The following ACY3 variants were observed in gnomAD, a reference collection of about 807,000 sequenced individuals.
ACY3 encodes the protein aminoacylase 3.
In ACY3, 20 loss-of-function variants were observed where a neutral mutation model predicts 24.6. That is an observed-to-expected ratio of 0.81 (90% CI 0.57 to 1.18). The LOEUF (loss-of-function observed/expected upper bound fraction) is 1.18. Among genes scored for constraint, ACY3 ranks in the 50% most tolerant of loss-of-function variants. The probability of loss-of-function intolerance (pLI) is 0.00; values close to 1 mark genes in which losing one functional copy is unlikely to be tolerated. For missense variants in ACY3, 423 were observed against 426.8 expected (o/e 0.99, Z 0.08); for synonymous variants, 174 against 188.4 (o/e 0.92, Z 0.62).
chr11:67,645,661 TG>T (rs1855501302), intron 4 of ACY3, 30 bp downstream of exon 4: 2 of 1,568,356 alleles, frequency 1.3e-6, no homozygotes, highest in Non-Finnish European at 1.7e-6. Flanking sequence ...CACTCCCCTC[TG>T]GGGAGCTGTG....
chr11:67,649,857 AGAGT>A (rs1198399317), intron 1 of ACY3, among the ~76,000 whole-genome samples: 23 of 137,984 alleles, frequency 1.7e-4, no homozygotes, highest in African/African-American at 5.3e-4. Flanking sequence ...TGTGTGCATG[AGAGT>A]GTGTGTGCAT....
intron 1 of ACY3, among the ~76,000 whole-genome samples, chr11:67,649,588 G>C (rs539172960): frequency 1.1e-4 from 17 of 152,070 alleles, no homozygotes; most frequent in Admixed American, 4.6e-4. Flanking sequence ...GCGTGTGCAT[G>C]AGAGCATGTG....
chr11:67,645,456 A>G, intron 4 of ACY3, 76 bp from the exon 5 acceptor site: 1 of 1,467,810 alleles, frequency 6.8e-7, no homozygotes, highest in Non-Finnish European at 9.3e-7. Flanking sequence ...TGTTGCATGG[A>G]GGAAACACAG....
rs187434412 is a variant in ACY3, at chr11:67,642,983, C to T, written c.745-44G>A. On this transcript the variant is annotated intron_variant, in intron 7 of 7. Coordinates refer to ENST00000255082, the MANE Select transcript of ACY3 (RefSeq NM_080658.2). ...GCCAAGATTGCTGGGGCCACCTCTG[C>T]CCTGGCCCCAGAGGGGGGTGACCCC... is the stretch of plus-strand genomic sequence containing the variant. 5,511 of 1,571,822 alleles carry T rather than the reference C, an allele frequency of 3.5e-3. 13 individuals are homozygous for T. The highest frequency in any genetic ancestry group is 4.9e-3 in the Middle Eastern group (29 of 5,888).
intron 1 of ACY3, among the ~76,000 whole-genome samples, chr11:67,648,543 C>T (rs1013210499): frequency 2.1e-4 from 32 of 152,154 alleles, no homozygotes; most frequent in Non-Finnish European, 8.8e-5. Context: ...CCAGGGCCTG[C>T]TGGATGCCAG....
rs373948069 is a variant in ACY3 at position 67,647,744 on chromosome 11, G to A, written c.-94-155C>T. Among the ~76,000 whole-genome samples the A allele has an allele frequency of 9.9e-5, 15 of 152,172 alleles. No individual in the cohort carries two copies. The South Asian group carries it at 1.0e-3, about 11-fold the overall frequency. On this transcript the variant is annotated intron_variant, in intron 1 of 7. Coordinates refer to ENST00000255082, the MANE Select transcript of ACY3 (RefSeq NM_080658.2). ...CCCACGCTGCTACTTGTGCTGCCAC[G>A]GCCCAACGAGTCCAGGTCCTGCGGG...
At chr11:67,645,910 C>A in intron 3 of ACY3, 23 bp from the exon 4 acceptor site, 1 of 1,560,716 alleles carries the variant, frequency 6.4e-7, no homozygotes, top group Non-Finnish European at 8.7e-7. Flanking sequence ...GAATGGGGGA[C>A]ACCGATCTTC....
chr11:67,645,895 G>A lies in ACY3; in HGVS notation c.237-8C>T. ...TCCGGGGTGGGCCTGGAACTGTGGA[G>A]ACGGGAATGGGGGACACCGATCTTC... On this transcript the variant is annotated splice_region_variant and splice_polypyrimidine_tract_variant and intron_variant, in intron 3 of 7. Coordinates refer to ENST00000255082, the MANE Select transcript of ACY3 (RefSeq NM_080658.2). The A allele has an allele frequency of 6.3e-7, 1 of 1,584,072 alleles. No individual in the cohort carries two copies. Among genetic ancestry groups the A allele is most frequent in the Non-Finnish European group, 8.6e-7 (1 of 1,164,058 alleles).
Position 67,645,680 on chromosome 11 carries a change from G to A in ACY3, c.432+12C>T. Reference sequence around the variant, plus strand: ...CCCCTCTGGGGAGCTGTGTGCTTGGGGCCGGGGCCACCTGCAGATGGCGGC... The same window carrying A: ...CCCCTCTGGGGAGCTGTGTGCTTGGAGCCGGGGCCACCTGCAGATGGCGGC... On this transcript the variant is annotated intron_variant, in intron 4 of 7. Transcript: ENST00000255082. 6.3e-7 allele frequency: 1 copy of A among 1,588,322 alleles called. No individual in the cohort carries two copies. Among genetic ancestry groups the A allele is most frequent in the South Asian group, 1.2e-5 (1 of 86,336 alleles).
rs1157924264 is a variant in ACY3, at chr11:67,645,372, G to T, written c.441C>A (p.Tyr147Ter). 6.2e-7 allele frequency: 1 copy of T among 1,613,376 alleles called. No individual in the cohort carries two copies. The highest frequency in any genetic ancestry group is 8.5e-7 in the Non-Finnish European group (1 of 1,179,942). ...MHLCRHLQLQYPELSCQVFLY... is the reference protein window; with the variant it reads ...MHLCRHLQLQ ...GGAAGACCTGGCAGGACAGCTCGGG[G>T]TACTGCAGCTGGGGGCGAGAGAGGC... Residue 147 changes from tyrosine to a stop codon, truncating the protein, a stop_gained, in exon 5 of 8, where the codon TAC (tyrosine) becomes TAA (stop). Coordinates refer to ENST00000255082, the MANE Select transcript of ACY3 (RefSeq NM_080658.2). LOFTEE classifies it high-confidence loss of function.
In ACY3 at chr11:67,648,228, G is replaced by A. The variant is rs143539665; in HGVS notation, c.-94-639C>T. On this transcript the variant is annotated intron_variant, in intron 1 of 7. Coordinates refer to ENST00000255082, the MANE Select transcript of ACY3 (RefSeq NM_080658.2). ...CAGAAAATTGTCTGCAGGCACACAAGCCCTAGAGGCAGGCTGCAGGTGGCC... is the reference window on the plus strand; with the variant it reads ...CAGAAAATTGTCTGCAGGCACACAAACCCTAGAGGCAGGCTGCAGGTGGCC... Among the ~76,000 whole-genome samples, 242 of 152,270 alleles carry A rather than the reference G, an allele frequency of 1.6e-3. 2 individuals carry two copies. The highest frequency in any genetic ancestry group is 5.4e-3 in the African/African-American group (225 of 41,554).
At chr11:67,646,754 G>A (rs1855522862) in intron 3 of ACY3, 54 bp downstream of exon 3, 2 of 1,546,656 alleles carry the variant, frequency 1.3e-6, no homozygotes, top group South Asian at 2.3e-5. Flanking sequence ...GAAGTTTTGT[G>A]GTGGGGACTC....
At chr11:67,643,677 C>CAAAT (rs966672748) in intron 7 of ACY3, among the ~76,000 whole-genome samples, 26 of 151,360 alleles carry the variant, frequency 1.7e-4, no homozygotes, top group African/African-American at 4.4e-4. Context: ...GACTCTGTCT[C>CAAAT]AAATAAATAA....
intron 1 of ACY3, among the ~76,000 whole-genome samples, chr11:67,647,794 C>T (rs1216165556): frequency 6.6e-6 from 1 of 152,250 alleles, no homozygotes; most frequent in Non-Finnish European, 1.5e-5. Context: ...TGCCCTTCGT[C>T]CTTCTGCTGG....
At chr11:67,646,279 T>C (rs1855515286) in intron 3 of ACY3, among the ~76,000 whole-genome samples, 1 of 152,194 alleles carries the variant, frequency 6.6e-6, no homozygotes, top group Non-Finnish European at 1.5e-5. Flanking sequence ...TGAGACACCA[T>C]TGCCTCCAGG....
chr11:67,645,590 C>A lies in ACY3; in HGVS notation c.432+102G>T. The A allele has an allele frequency of 3.5e-6, 5 of 1,418,012 alleles. No homozygotes were observed. The South Asian group carries it at 5.7e-5, about 16-fold the overall frequency. The allele number at this position is 1,418,012 out of a possible 1,614,324, so 87.8% of individuals were successfully genotyped here. On this transcript the variant is annotated intron_variant, in intron 4 of 7. Transcript: ENST00000255082. Reference sequence around the variant, plus strand: ...ACTGGAGCCCAGGGGAAACTAGGCCCGGGGAAGAGGGGCTAAGCAAAGGAG... The same window carrying A: ...ACTGGAGCCCAGGGGAAACTAGGCCAGGGGAAGAGGGGCTAAGCAAAGGAG...
chr11:67,646,912 G>T lies in ACY3; in HGVS notation c.132C>A (p.Ala44=), dbSNP rs758545304. 17 of 1,610,866 alleles carry T rather than the reference G, an allele frequency of 1.1e-5. No homozygotes were observed. In the African/African-American group the frequency reaches 1.9e-4, roughly 18 times the overall value. The change falls in exon 3 of 8, where the codon GCC becomes GCA. Residue 44 remains alanine (A), a synonymous_variant. Coordinates refer to ENST00000255082, the MANE Select transcript of ACY3 (RefSeq NM_080658.2). ...CCAGCACAGGCACAGCGGAGAAGCT[G>T]GCTCTCTGCAGCTCTGCGGGGGCAT... ...WLHAPAELQR[A]SFSAVPVLAN...
chr11:67,647,971 A>G (rs1278961238), intron 1 of ACY3, among the ~76,000 whole-genome samples: 1 of 152,156 alleles, frequency 6.6e-6, no homozygotes, highest in African/African-American at 2.4e-5. Context: ...CCTCGGCAAC[A>G]TGCCTCTGTC....
chr11:67,643,658 A>G (rs779649678), intron 7 of ACY3, among the ~76,000 whole-genome samples: 3 of 151,932 alleles, frequency 2.0e-5, no homozygotes, highest in Non-Finnish European at 2.9e-5. Context: ...AGCCTGGGCA[A>G]CAGAGCGAGA....
Sources: allele counts gnomAD v4.1 joint callset (sites outside exome capture counted in the v4.1 genomes callset), GRCh38; gene constraint gnomAD v4.1.1; transcripts MANE v1.5; gene names NCBI Gene and HGNC (gene_info 2026-07-23, HGNC 2026-07-21).